The following HTT variants were observed in gnomAD, a reference collection of about 807,000 sequenced individuals.
HTT encodes huntington disease protein.
HTT carries 104 observed loss-of-function variants against 362.3 expected under a neutral mutation model. The observed-to-expected ratio is 0.29, with a 90% CI of 0.24 to 0.34. The LOEUF (loss-of-function observed/expected upper bound fraction) is 0.34. HTT is among the 10% of genes least tolerant of loss of function. The pLI is 1.00. For synonymous variants in HTT, 1,577 were observed against 1,548.7 expected, an observed-to-expected ratio of 1.02 and a Z score of -0.43; for missense variants, 3,301 against 3,928.6, an observed-to-expected ratio of 0.84 and a Z score of 4.27.
chr4:3,189,333 A>G (rs529390122), intron 40 of HTT, among the ~76,000 whole-genome samples: 1 of 152,270 alleles, frequency 6.6e-6, no homozygotes, highest in Admixed American at 6.5e-5. Context: ...GCCAGCATTC[A>G]TAGCAGCATT....
intron 22 of HTT, among the ~76,000 whole-genome samples, chr4:3,141,650 T>C (rs1324778653): frequency 6.6e-6 from 1 of 152,120 alleles, no homozygotes; most frequent in Non-Finnish European, 1.5e-5. Context: ...TAATCCCAGC[T>C]ACTCGGGAGG....
rs151199221 is a variant in HTT, at chr4:3,174,967, C to A, written c.4267C>A (p.Arg1423Ser). The A allele has an allele frequency of 6.2e-7, 1 of 1,600,660 alleles. No individual in the cohort carries two copies. Among genetic ancestry groups the A allele is most frequent in the Middle Eastern group, 1.7e-4 (1 of 6,026 alleles). Residue 1423 changes from arginine (R) to serine (S), a missense_variant, in exon 33 of 67, where the codon CGT (arginine) becomes AGT (serine). Physicochemically the swap from Arg to Ser is moderately radical, Grantham distance 110 (BLOSUM62 -1). This residue lies in a region of HTT where 2,316 missense variants were observed against 2,658.5 expected (regional missense o/e 0.87). Transcript: ENST00000355072. ...ATAGAATGCTATTCATAATCACATT[C>A]GTTTGTTTGAACCTCTTGTTATAAA... ...ADKNAIHNHI[R>S]LFEPLVIKAL... is the part of the protein sequence containing the mutation.
chr4:3,233,230 G>A lies in HTT; in HGVS notation c.8333G>A (p.Ser2778Asn). The part of the protein sequence containing the change: ...ESTLRSSHLP[S>N]RVGALHGVLY... Reference sequence around the variant, plus strand: ...ACGCTCAGGAGCAGCCACCTGCCCAGCAGGGTTGGAGCCCTGCACGGCGTC... The same window carrying A: ...ACGCTCAGGAGCAGCCACCTGCCCAACAGGGTTGGAGCCCTGCACGGCGTC... The change falls in exon 61 of 67, where the codon AGC (serine) becomes AAC (asparagine). Residue 2778 changes from serine to asparagine, a missense_variant. Coordinates refer to ENST00000355072, the MANE Select transcript of HTT (RefSeq NM_001388492.1). 1.2e-6 allele frequency: 2 copies of A among 1,605,742 alleles called. No homozygotes were observed. Among genetic ancestry groups the A allele is most frequent in the Non-Finnish European group, 1.7e-6 (2 of 1,173,564 alleles).
At chr4:3,096,297 C>T (rs1206823225) in intron 2 of HTT, among the ~76,000 whole-genome samples, 1 of 152,214 alleles carries the variant, frequency 6.6e-6, no homozygotes, top group Non-Finnish European at 1.5e-5. Flanking sequence ...AGTAGCCGCT[C>T]TCAATGATTT....
At chr4:3,109,777 C>G (rs996884671) in intron 6 of HTT, among the ~76,000 whole-genome samples, 3 of 152,096 alleles carry the variant, frequency 2.0e-5, no homozygotes, top group African/African-American at 7.2e-5. Context: ...AAGTTGGTGA[C>G]TGTACCTTCA....
chr4:3,108,802 T>C (rs1358113305), intron 6 of HTT, among the ~76,000 whole-genome samples: 1 of 152,130 alleles, frequency 6.6e-6, no homozygotes, highest in Non-Finnish European at 1.5e-5. Flanking sequence ...TTGTAGCTAC[T>C]TGGGAGGCTG....
chr4:3,118,311 G>C (rs1157592427), intron 8 of HTT, among the ~76,000 whole-genome samples: 3 of 152,086 alleles, frequency 2.0e-5, no homozygotes, highest in Non-Finnish European at 4.4e-5. Context: ...TTTTAAGAAG[G>C]CTGCTTGATC....
intron 29 of HTT, among the ~76,000 whole-genome samples, chr4:3,164,851 C>G (rs1016375677): frequency 2.0e-5 from 3 of 152,124 alleles, no homozygotes; most frequent in African/African-American, 7.2e-5. Context: ...ATACAGCACA[C>G]CAATGGGTCT....
chr4:3,233,707 C>T (rs1418789587), intron 61 of HTT, among the ~76,000 whole-genome samples: 3 of 152,252 alleles, frequency 2.0e-5, no homozygotes, highest in African/African-American at 7.2e-5. Flanking sequence ...TCTGCACCTT[C>T]CCCGCCCTGG....
Position 3,132,809 on chromosome 4 carries a change from G to C in HTT, c.2396-5G>C, listed in dbSNP as rs780039514. 6.2e-7 allele frequency: 1 copy of C among 1,613,756 alleles called. No individual in the cohort carries two copies. The highest frequency in any genetic ancestry group is 1.1e-5 in the South Asian group (1 of 91,074). On this transcript the variant is annotated splice_polypyrimidine_tract_variant and splice_region_variant and intron_variant, in intron 17 of 66. Coordinates refer to ENST00000355072, the MANE Select transcript of HTT (RefSeq NM_001388492.1). ...ATGATGTTTGTTGCTTGTTCTTCTG[G>C]TTAGGAAATACATTTTCTTTGGCGG...
intron 47 of HTT, among the ~76,000 whole-genome samples, chr4:3,211,608 T>C (rs141495351): frequency 6.6e-6 from 1 of 152,352 alleles, no homozygotes; most frequent in African/African-American, 2.4e-5. Flanking sequence ...ACTTTAGCTT[T>C]GATTTTGTTT....
chr4:3,130,525 C>T, intron 14 of HTT, 102 bp downstream of exon 14: 3 of 636,738 alleles, frequency 4.7e-6, no homozygotes, highest in Non-Finnish European at 5.5e-6. Flanking sequence ...CATCCCTGGG[C>T]CTTTAAATTT....
At chr4:3,082,542 C>A (rs7664480) in intron 1 of HTT, among the ~76,000 whole-genome samples, 10,733 of 152,136 alleles carry the variant, frequency 0.071, 724 homozygotes, top group African/African-American at 0.18. Context: ...CAGGGACAGT[C>A]GTTTGGTATC....
In HTT at chr4:3,121,358, G is replaced by A. The variant is rs1307030251; in HGVS notation, c.1199G>A (p.Gly400Asp). Residue 400 changes from glycine to aspartate, a missense_variant, in exon 9 of 67, where the codon GGC (glycine) becomes GAC (aspartate). Around this residue, in one of 4 missense-constraint regions of HTT, gnomAD observed 2,316 missense variants for 2,658.5 expected, o/e 0.87. Transcript: ENST00000355072. ...ELLQTLTAVG[G>D]IGQLTAAKEE... ...CTGCAAACCCTGACCGCAGTCGGGG[G>A]CATTGGGCAGCTCACCGCTGCTAAG... 2 of 1,614,126 alleles carry A rather than the reference G, an allele frequency of 1.2e-6. No individual in the cohort carries two copies. Among genetic ancestry groups the A allele is most frequent in the South Asian group, 1.1e-5 (1 of 91,086 alleles).
intron 1 of HTT, among the ~76,000 whole-genome samples, chr4:3,077,947 A>G (rs761083290): frequency 1.1e-4 from 16 of 152,238 alleles, no homozygotes; most frequent in Non-Finnish European, 1.5e-4. Context: ...TCTCAAAGTA[A>G]GATTGATGAA....
Position 3,130,416 on chromosome 4 carries a change from A to G in HTT, c.1979A>G (p.Glu660Gly). 1 of 1,580,210 alleles carries G rather than the reference A, an allele frequency of 6.3e-7. No individual in the cohort carries two copies. The highest frequency in any genetic ancestry group is 8.7e-7 in the Non-Finnish European group (1 of 1,154,066). The change falls in exon 14 of 67, where the codon GAA becomes GGA. Residue 660 changes from glutamate to glycine, a missense_variant. By Grantham distance (98) the Glu-to-Gly change is moderately conservative (BLOSUM62 -2). Transcript: ENST00000355072. ...RDEATEPGDQ[E>G]NKPCRIKGDI... ...GAAGCTACTGAACCGGGTGATCAAG[A>G]AAACAAGGTGAGGGACATAGGCTTG...
chr4:3,239,075 A>C, intron 66 of HTT, 97 bp downstream of exon 66: 1 of 1,280,618 alleles, frequency 7.8e-7, no homozygotes, highest in Non-Finnish European at 1.1e-6. Context: ...CTTTGCAAAA[A>C]CCCCACAGAT....
intron 28 of HTT, among the ~76,000 whole-genome samples, chr4:3,158,020 T>C (rs1717243396): frequency 6.6e-6 from 1 of 150,808 alleles, no homozygotes; most frequent in South Asian, 2.1e-4. Flanking sequence ...TTAGACAGAG[T>C]CTTGCTCTGT....
rs766947054 is a variant in HTT, at chr4:3,223,569, G to A, written c.7625+9G>A. On this transcript the variant is annotated intron_variant, in intron 55 of 66. Coordinates refer to ENST00000355072, the MANE Select transcript of HTT (RefSeq NM_001388492.1). ...AAAGCTCTCGACACCAGGTTTGCTT[G>A]AGTTCCCACGTGTCTCTGGGACATA... The A allele has an allele frequency of 5.0e-6, 8 of 1,598,520 alleles. No homozygotes were observed. Among genetic ancestry groups the A allele is most frequent in the Non-Finnish European group, 6.0e-6 (7 of 1,170,858 alleles).
Sources: allele counts gnomAD v4.1 joint callset (sites outside exome capture counted in the v4.1 genomes callset), GRCh38; gene constraint gnomAD v4.1.1; regional missense constraint gnomAD v4.1.1; transcripts MANE v1.5; gene names NCBI Gene and HGNC (gene_info 2026-07-23, HGNC 2026-07-21).